MYBPC1: variants seen among roughly 807,000 people sequenced by gnomAD.
MYBPC1 encodes myosin binding protein C1.
Under a neutral mutation model 147.1 loss-of-function variants are expected in MYBPC1, and 52 were observed. The observed-to-expected ratio is 0.35, with a 90% CI of 0.28 to 0.45. The LOEUF is 0.45. Among genes scored for constraint, MYBPC1 ranks in the 20% least tolerant of loss-of-function variants. The probability of loss-of-function intolerance (pLI) is 1.00; values close to 1 mark genes in which losing one functional copy is unlikely to be tolerated. For synonymous variants in MYBPC1, 477 were observed against 475.9 expected (o/e 1.00, Z -0.03); for missense variants, 1,228 against 1,440.3 (o/e 0.85, Z 2.39).
chr12:101,616,020 G>A (rs1217541589), intron 2 of MYBPC1, among the ~76,000 whole-genome samples: 2 of 151,996 alleles, frequency 1.3e-5, no homozygotes, highest in Non-Finnish European at 2.9e-5. Flanking sequence ...TGTTTTTCAG[G>A]AGGGCAGTTT....
chr12:101,626,790 T>C, intron 3 of MYBPC1, 82 bp from the exon 4 acceptor site: 1 of 1,221,536 alleles, frequency 8.2e-7, no homozygotes, highest in Non-Finnish European at 1.2e-6. Flanking sequence ...TTTCTCATCT[T>C]CTTTTTCAGA....
chr12:101,639,819 G>A lies in MYBPC1; in HGVS notation c.666-2600G>A, dbSNP rs138336835. Among the ~76,000 whole-genome samples, 1,440 of 152,010 alleles carry A rather than the reference G, an allele frequency of 9.5e-3. 15 individuals carry two copies. Among genetic ancestry groups the A allele is most frequent in the South Asian group, 0.015 (72 of 4,792 alleles). On this transcript the variant is annotated intron_variant, in intron 10 of 31. Coordinates refer to ENST00000361466, the MANE Select transcript of MYBPC1 (RefSeq NM_002465.4). Reference sequence around the variant, plus strand: ...GCTTTAAATCCTCCGCCAATGTCAGGAGGATAGCTGAAATATGTAATGTAT... The same window carrying A: ...GCTTTAAATCCTCCGCCAATGTCAGAAGGATAGCTGAAATATGTAATGTAT...
At chr12:101,616,946 A>G (rs1315224556) in intron 2 of MYBPC1, among the ~76,000 whole-genome samples, 1 of 152,172 alleles carries the variant, frequency 6.6e-6, no homozygotes, top group Non-Finnish European at 1.5e-5. Flanking sequence ...AGTGCATTTT[A>G]ACAAAATCTG....
chr12:101,637,646 A>G (rs1370818947), intron 10 of MYBPC1, among the ~76,000 whole-genome samples: 1 of 152,158 alleles, frequency 6.6e-6, no homozygotes. Flanking sequence ...AGGCTTTTAA[A>G]ATTACTTTTA....
chr12:101,690,537 T>G (rs760657130), downstream of MYBPC1, among the ~76,000 whole-genome samples: 6 of 152,192 alleles, frequency 3.9e-5, no homozygotes, highest in Admixed American at 6.5e-5. Context: ...CCTCTAATGC[T>G]TCTCAAACAA....
chr12:101,685,638 T>C lies in MYBPC1; in HGVS notation c.*76T>C. The C allele has an allele frequency of 6.5e-7, 1 of 1,535,068 alleles. No individual in the cohort carries two copies. The highest frequency in any genetic ancestry group is 8.7e-7 in the Non-Finnish European group (1 of 1,146,080). ...AGGCGTACCTCCAAACATAATTGAT[T>C]CGTATCTGCGAGACTTACACTCAAG... On this transcript the variant is annotated 3_prime_UTR_variant, in exon 32 of 32. Coordinates refer to ENST00000361466, the MANE Select transcript of MYBPC1 (RefSeq NM_002465.4).
chr12:101,636,154 G>A (rs1890943491), intron 9 of MYBPC1, among the ~76,000 whole-genome samples: 1 of 152,080 alleles, frequency 6.6e-6, no homozygotes, highest in African/African-American at 2.4e-5. Context: ...TTTTTGCCAT[G>A]TTAGTATCAC....
chr12:101,662,637 A>G lies in MYBPC1; in HGVS notation c.2221+91A>G. 4 of 1,432,864 alleles carry G rather than the reference A, an allele frequency of 2.8e-6. No individual in the cohort carries two copies. In the South Asian group the frequency reaches 4.7e-5, roughly 17 times the overall value. 88.8% of individuals were successfully genotyped at this position (1,432,864 alleles called of 1,614,324 possible). A position where few individuals can be genotyped will look rare whatever the true frequency, so the allele number is the denominator to read the frequency against. On this transcript the variant is annotated intron_variant, in intron 21 of 31. Transcript: ENST00000361466. ...TGATCCCTAACTGGAACAGGCCTGGACACTTCTTAGAGTTGTAGGTGGGCA... is the reference window on the plus strand; with the variant it reads ...TGATCCCTAACTGGAACAGGCCTGGGCACTTCTTAGAGTTGTAGGTGGGCA...
rs1330072749 is a variant in MYBPC1, at chr12:101,685,642, A to C, written c.*80A>C. 6.5e-7 allele frequency: 1 copy of C among 1,533,898 alleles called. No homozygotes were observed. The highest frequency in any genetic ancestry group is 2.4e-5 in the East Asian group (1 of 40,896). On this transcript the variant is annotated 3_prime_UTR_variant, in exon 32 of 32. Coordinates refer to ENST00000361466, the MANE Select transcript of MYBPC1 (RefSeq NM_002465.4). The stretch of plus-strand genomic sequence containing the variant: ...GTACCTCCAAACATAATTGATTCGT[A>C]TCTGCGAGACTTACACTCAAGCAAT...
chr12:101,606,600 A>G lies in MYBPC1; in HGVS notation c.26-7896A>G, dbSNP rs185625659. On this transcript the variant is annotated intron_variant, in intron 1 of 31. Coordinates refer to ENST00000361466, the MANE Select transcript of MYBPC1 (RefSeq NM_002465.4). Reference sequence around the variant, plus strand: ...ATTACAGGCTTGAGCCACCATGCCCAGCCTACTTCTTTTAAAAGTATGTAA... The same window carrying G: ...ATTACAGGCTTGAGCCACCATGCCCGGCCTACTTCTTTTAAAAGTATGTAA... Among the ~76,000 whole-genome samples, 6 of 151,964 alleles carry G rather than the reference A, an allele frequency of 3.9e-5. No homozygotes were observed. In the East Asian group the frequency reaches 1.2e-3, roughly 30 times the overall value.
Position 101,631,602 on chromosome 12 carries a change from G to A in MYBPC1, c.321G>A (p.Lys107=). Residue 107 remains lysine (K), a synonymous_variant, in exon 7 of 32, where the codon AAG becomes AAA. Coordinates refer to ENST00000361466, the MANE Select transcript of MYBPC1 (RefSeq NM_002465.4). ...ATATCACCTTCATAGCCAAAGTCAA[G>A]GCTGAAGATCTTCTGAGAAAACCCA... is the stretch of plus-strand genomic sequence containing the variant. ...GEDITFIAKV[K]AEDLLRKPTI... The A allele has an allele frequency of 2.5e-6, 4 of 1,614,120 alleles. No individual in the cohort carries two copies. The highest frequency in any genetic ancestry group is 1.1e-5 in the South Asian group (1 of 91,072).
At chr12:101,668,960 G>A (rs1359476234) in intron 23 of MYBPC1, among the ~76,000 whole-genome samples, 1 of 152,024 alleles carries the variant, frequency 6.6e-6, no homozygotes, top group Non-Finnish European at 1.5e-5. Context: ...GGTGGCACAC[G>A]CCTGTGGTCC....
chr12:101,601,171 T>C (rs1329943293), intron 1 of MYBPC1, among the ~76,000 whole-genome samples: 1 of 152,216 alleles, frequency 6.6e-6, no homozygotes, highest in Non-Finnish European at 1.5e-5. Flanking sequence ...GAAAAGACTT[T>C]GTCACTTAAT....
chr12:101,688,210 G>A (rs1376704024), downstream of MYBPC1, among the ~76,000 whole-genome samples: 3 of 152,086 alleles, frequency 2.0e-5, no homozygotes, highest in Admixed American at 6.5e-5. Flanking sequence ...ACTTGAGGCC[G>A]GGAGTTCGAG....
intron 5 of MYBPC1, among the ~76,000 whole-genome samples, chr12:101,628,615 A>C (rs1339802600): frequency 6.6e-6 from 1 of 152,160 alleles, no homozygotes; most frequent in Non-Finnish European, 1.5e-5. Flanking sequence ...AAATGGCTGA[A>C]CCTGAACTCT....
chr12:101,675,484 A>C, intron 26 of MYBPC1, 53 bp downstream of exon 26: 1 of 1,611,748 alleles, frequency 6.2e-7, no homozygotes, highest in Admixed American at 1.7e-5. Context: ...ATTTCATCAG[A>C]GGTAAAGGAG....
intron 1 of MYBPC1, among the ~76,000 whole-genome samples, chr12:101,605,723 G>A (rs1177388660): frequency 7.2e-5 from 11 of 151,986 alleles, no homozygotes; most frequent in Non-Finnish European, 1.3e-4. Flanking sequence ...TTAGCTGAGC[G>A]TGGTGGTGGA....
At chr12:101,618,475 A>T (rs1423418425) in intron 3 of MYBPC1, among the ~76,000 whole-genome samples, 5 of 152,150 alleles carry the variant, frequency 3.3e-5, no homozygotes, top group Non-Finnish European at 5.9e-5. Context: ...AATTATTGTA[A>T]TATTATTCTC....
At chr12:101,678,296 A>G (rs566677177) in intron 28 of MYBPC1, 58 bp downstream of exon 28, 18 of 1,598,742 alleles carry the variant, frequency 1.1e-5, no homozygotes, top group Admixed American at 1.0e-4. Context: ...GTTGTGTTAT[A>G]ATGTAAGTAA....
Sources: gnomAD v4.1 joint callset for allele counts (sites outside exome capture counted in the v4.1 genomes callset) on GRCh38, gnomAD v4.1.1 for gene constraint, MANE v1.5 for transcripts, NCBI Gene and HGNC (gene_info 2026-07-23, HGNC 2026-07-21) for gene names.